Variants in DPRX observed in about 807,000 individuals in gnomAD.
DPRX encodes divergent-paired related homeobox.
DPRX carries 11 observed loss-of-function variants against 8.4 expected under a neutral mutation model. The observed-to-expected ratio is 1.31, with a 90% CI of 0.82 to 2.17. The LOEUF (loss-of-function observed/expected upper bound fraction) is 2.17, where lower values mean the gene tolerates loss of function less well. DPRX is among the 30% of genes most tolerant of loss of function. The pLI, the probability that DPRX is intolerant of heterozygous loss-of-function variation, is 0.00. For missense variants in DPRX, 211 were observed against 236.7 expected (o/e 0.89, Z 0.71); for synonymous variants, 72 against 87.0 (o/e 0.83, Z 0.96).
rs753434011 is a variant in DPRX at position 53,636,601 on chromosome 19, G to T, written c.189G>T (p.Trp63Cys). 22 of 1,608,650 alleles carry T rather than the reference G, an allele frequency of 1.4e-5. No individual in the cohort carries two copies. The Admixed American group carries it at 3.7e-4, about 27-fold the overall frequency. The stretch of plus-strand genomic sequence containing the variant: ...CTTCTCTCTCTTCCCTTCAGGTCTG[G>T]TTCAAGAATCACAGAGCAAAACTCA... The change falls in exon 3 of 3, where the codon TGG becomes TGT. Residue 63 changes from tryptophan (W) to cysteine (C), a missense_variant. By Grantham distance (215) the Trp-to-Cys change is radical. Coordinates refer to ENST00000376650, the Ensembl canonical transcript of DPRX.
chr19:53,635,518 C>T (rs2091108728), intron 2 of DPRX, among the ~76,000 whole-genome samples: 1 of 151,812 alleles, frequency 6.6e-6, no homozygotes, highest in Admixed American at 6.6e-5. Flanking sequence ...GCAGCTGATA[C>T]TACTGGTGTG....
At chr19:53,630,219 A>C (rs12150962), upstream of DPRX, among the ~76,000 whole-genome samples, 38,936 of 150,628 alleles carry the variant, frequency 0.26, 6,009 homozygotes, top group East Asian at 0.42. Context: ...TCTCAAAAAA[A>C]AAAAAAAAAA....
At chr19:53,617,329 C>T in the DPRX span, 32 of 566,488 alleles carry the variant, frequency 5.6e-5, no homozygotes, top group Admixed American at 1.3e-4. Flanking sequence ...GAGGCCGAGG[C>T]GAGCGGATTA....
chr19:53,619,397 G>A, the DPRX span, among the ~76,000 whole-genome samples: 3 of 152,024 alleles, frequency 2.0e-5, no homozygotes, highest in East Asian at 3.9e-4. Context: ...AAAACAGGCC[G>A]GGTGCGGTGG....
chr19:53,632,067 A>G (rs192884068), exon 1 of DPRX: 23 of 1,613,824 alleles, frequency 1.4e-5, no homozygotes, highest in Non-Finnish European at 1.9e-5. Context: ...GCTAGTTCTT[A>G]TCCCTGGACC....
chr19:53,621,779 G>T, the DPRX span, among the ~76,000 whole-genome samples: 2 of 151,638 alleles, frequency 1.3e-5, no homozygotes, highest in South Asian at 2.1e-4. Flanking sequence ...GCAAGACTCT[G>T]TTCCAAAAAA....
the DPRX span, among the ~76,000 whole-genome samples, chr19:53,615,342 G>A: frequency 2.6e-5 from 4 of 151,916 alleles, no homozygotes; most frequent in Non-Finnish European, 4.4e-5. Flanking sequence ...GTGCAGTGGC[G>A]TGATCTTGGC....
intron 1 of DPRX, among the ~76,000 whole-genome samples, chr19:53,633,696 G>A (rs1057423057): frequency 2.6e-5 from 4 of 152,214 alleles, no homozygotes; most frequent in African/African-American, 7.2e-5. Context: ...TTTTAGTAGA[G>A]ACAGGGTTTC....
chr19:53,617,652 A>G, the DPRX span, among the ~76,000 whole-genome samples: 2 of 151,932 alleles, frequency 1.3e-5, no homozygotes, highest in African/African-American at 4.8e-5. Context: ...ATCCTCTAAT[A>G]TGAGATGTAG....
the DPRX span, among the ~76,000 whole-genome samples, chr19:53,617,728 G>A: frequency 6.6e-6 from 1 of 152,102 alleles, no homozygotes; most frequent in South Asian, 2.1e-4. Flanking sequence ...TTGAAGCTTG[G>A]ACTAGAATTT....
At chr19:53,616,503 C>A in the DPRX span, among the ~76,000 whole-genome samples, 63 of 151,988 alleles carry the variant, frequency 4.1e-4, no homozygotes, top group Non-Finnish European at 8.8e-5. Context: ...GCCTGTAATC[C>A]CAGCACTTTG....
chr19:53,602,025 G>A, the DPRX span: 1 of 456,476 alleles, frequency 2.2e-6, no homozygotes, highest in South Asian at 1.5e-5. Context: ...GTTGCTCTGG[G>A]GCTGTCTCCA....
upstream of DPRX, chr19:53,632,032 C>A (rs2091094537): frequency 1.2e-6 from 2 of 1,601,522 alleles, no homozygotes; most frequent in Non-Finnish European, 1.7e-6. Flanking sequence ...GTGGAGGAAG[C>A]TACTTAAATC....
chr19:53,623,494 C>A, the DPRX span, among the ~76,000 whole-genome samples: 1 of 151,524 alleles, frequency 6.6e-6, no homozygotes, highest in South Asian at 2.1e-4. Flanking sequence ...CAAAATTAGC[C>A]TGGCATGGTG....
intron 2 of DPRX, among the ~76,000 whole-genome samples, chr19:53,635,740 A>T (rs192318345): frequency 5.3e-5 from 8 of 152,254 alleles, no homozygotes; most frequent in Admixed American, 1.3e-4. Context: ...TACAACACAA[A>T]ATAGTACTCT....
chr19:53,632,719 C>T (rs948338481), intron 1 of DPRX, among the ~76,000 whole-genome samples: 10 of 151,570 alleles, frequency 6.6e-5, no homozygotes, highest in African/African-American at 2.2e-4. Flanking sequence ...GCTGGGATTA[C>T]AGGCATGAGC....
At chr19:53,602,459 A>C in the DPRX span, among the ~76,000 whole-genome samples, 2 of 150,914 alleles carry the variant, frequency 1.3e-5, no homozygotes, top group African/African-American at 4.9e-5. Context: ...TCCTGGGTTC[A>C]AGTGATTCTC....
At chr19:53,617,576 GA>G in the DPRX span, among the ~76,000 whole-genome samples, 18 of 107,598 alleles carry the variant, frequency 1.7e-4, no homozygotes, top group South Asian at 5.7e-4. Context: ...AAAAAAAAAA[GA>G]AAAAAAAAAA....
At chr19:53,616,248 G>A in the DPRX span, among the ~76,000 whole-genome samples, 50 of 151,786 alleles carry the variant, frequency 3.3e-4, no homozygotes, top group Non-Finnish European at 6.5e-4. Context: ...GTGAAACTCT[G>A]TCTCAAAAAA....
Sources: gnomAD v4.1 joint callset for allele counts (sites outside exome capture counted in the v4.1 genomes callset) on GRCh38, gnomAD v4.1.1 for gene constraint, MANE v1.5 for transcripts, NCBI Gene and HGNC (gene_info 2026-07-23, HGNC 2026-07-21) for gene names.